The following LDLRAD4 variants were observed in gnomAD, a reference collection of about 807,000 sequenced individuals.
LDLRAD4 encodes the protein low-density lipoprotein receptor class A domain-containing protein 4.
In LDLRAD4, 5 loss-of-function variants were observed where a neutral mutation model predicts 17.0. The ratio of observed to expected loss-of-function variants is 0.29; its 90% CI spans 0.15 to 0.62. LDLRAD4 has a LOEUF of 0.62. Among genes scored for constraint, LDLRAD4 ranks in the 20% least tolerant of loss-of-function variants. The pLI is 0.84. For synonymous variants in LDLRAD4, 168 were observed against 171.8 expected (o/e 0.98, Z 0.17); for missense variants, 340 against 424.7 (o/e 0.80, Z 1.75).
intron 3 of LDLRAD4, among the ~76,000 whole-genome samples, chr18:13,592,118 T>C (rs1328167728): frequency 1.3e-5 from 2 of 152,212 alleles, no homozygotes; most frequent in African/African-American, 4.8e-5. Flanking sequence ...TTGTTCCCAA[T>C]ACAGAATTGA....
intron 1 of LDLRAD4, among the ~76,000 whole-genome samples, chr18:13,222,648 T>C (rs1306660439): frequency 6.6e-6 from 1 of 152,204 alleles, no homozygotes; most frequent in East Asian, 1.9e-4. Flanking sequence ...TAGAATTCTG[T>C]GCCTCGGTTC....
rs78561478 is a variant in LDLRAD4, at chr18:13,590,451, C to T, written c.182-30666C>T. Among the ~76,000 whole-genome samples the T allele has an allele frequency of 1.4e-3, 217 of 152,292 alleles. 5 individuals carry two copies. In the East Asian group the frequency reaches 0.023, roughly 16 times the overall value. Reference sequence around the variant, plus strand: ...AAATGGCCCCAAATCAGAAACATGGCGCATGTGAGCATGCCACTTCTTGTG... The same window carrying T: ...AAATGGCCCCAAATCAGAAACATGGTGCATGTGAGCATGCCACTTCTTGTG... On this transcript the variant is annotated intron_variant, in intron 3 of 5. Coordinates refer to ENST00000359446, the Ensembl canonical transcript of LDLRAD4.
At chr18:13,232,010 G>T (rs974231592) in intron 1 of LDLRAD4, among the ~76,000 whole-genome samples, 1 of 152,222 alleles carries the variant, frequency 6.6e-6, no homozygotes, top group Non-Finnish European at 1.5e-5. Context: ...CCACCTAGTC[G>T]ATGTCATTTT....
chr18:13,245,681 T>A (rs1482005624), intron 1 of LDLRAD4, among the ~76,000 whole-genome samples: 1 of 152,188 alleles, frequency 6.6e-6, no homozygotes, highest in Admixed American at 6.6e-5. Context: ...GACAGCATGA[T>A]CATTTCTGCT....
intron 3 of LDLRAD4, among the ~76,000 whole-genome samples, chr18:13,472,921 T>G (rs567199042): frequency 7.5e-4 from 114 of 152,354 alleles, no homozygotes; most frequent in African/African-American, 2.6e-3. Context: ...ATGTCTGTCT[T>G]TTGCAAACGT....
chr18:13,275,405 C>T (rs1352072974), upstream of LDLRAD4, among the ~76,000 whole-genome samples: 2 of 152,166 alleles, frequency 1.3e-5, no homozygotes, highest in Non-Finnish European at 2.9e-5. Flanking sequence ...TGGGGTAGAA[C>T]ATGAAGCCAA....
At chr18:13,582,245 C>A (rs2094871428) in intron 3 of LDLRAD4, among the ~76,000 whole-genome samples, 1 of 152,216 alleles carries the variant, frequency 6.6e-6, no homozygotes, top group Non-Finnish European at 1.5e-5. Flanking sequence ...GTTTTCTTTG[C>A]CTTTGAATGG....
Position 13,412,144 on chromosome 18 carries a change from G to A in LDLRAD4, c.40+24382G>A, listed in dbSNP as rs548247537. 3.0e-4 allele frequency among the ~76,000 whole-genome samples: 45 copies of A among 152,312 alleles called. 1 individual carries two copies. Among genetic ancestry groups the A allele is most frequent in the Middle Eastern group, 3.4e-3 (1 of 294 alleles). On this transcript the variant is annotated intron_variant, in intron 2 of 5. Transcript: ENST00000359446. The stretch of plus-strand genomic sequence containing the variant: ...AGGGATGAGCCATCACGCCTGGCCT[G>A]CACTGAGTTCTGAAGTTAGTATTTG...
At chr18:13,417,950 G>A (rs1479296426) in intron 2 of LDLRAD4, among the ~76,000 whole-genome samples, 1 of 152,108 alleles carries the variant, frequency 6.6e-6, no homozygotes, top group Non-Finnish European at 1.5e-5. Context: ...GGTTTCTATT[G>A]GTAGACACCA....
chr18:13,532,836 G>T (rs1428917416), intron 3 of LDLRAD4, among the ~76,000 whole-genome samples: 2 of 152,324 alleles, frequency 1.3e-5, no homozygotes, highest in African/African-American at 4.8e-5. Flanking sequence ...GTGATGGCAT[G>T]CCTGGCCCTG....
chr18:13,362,208 G>A (rs1238272244), intron 1 of LDLRAD4: 2 of 152,226 alleles, frequency 1.3e-5, no homozygotes, highest in African/African-American at 4.8e-5. Context: ...GTACGAGTTT[G>A]TGTAGGACCG....
intron 2 of LDLRAD4, among the ~76,000 whole-genome samples, chr18:13,407,074 C>T (rs2087835083): frequency 1.3e-5 from 2 of 152,236 alleles, no homozygotes; most frequent in South Asian, 2.1e-4. Flanking sequence ...AAGTGCGTGG[C>T]GGTATGCATT....
rs560316152 is a variant in LDLRAD4 at position 13,238,920 on chromosome 18, C to T, written c.-467+19932C>T. On this transcript the variant is annotated intron_variant, in intron 1 of 5. Transcript: ENST00000399848. The stretch of plus-strand genomic sequence containing the variant: ...GCTGCTTGTAAGGCCAGGCGGGTGG[C>T]TCATGTCTGCAATCCCAGCACTTGG... 5.3e-5 allele frequency among the ~76,000 whole-genome samples: 8 copies of T among 152,196 alleles called. No homozygotes were observed. In the East Asian group the frequency reaches 1.3e-3, roughly 26 times the overall value.
chr18:13,588,901 T>C (rs932676283), intron 3 of LDLRAD4, among the ~76,000 whole-genome samples: 11 of 151,820 alleles, frequency 7.2e-5, no homozygotes, highest in African/African-American at 2.7e-4. Flanking sequence ...CACTCTGCCA[T>C]CTTTTTCCTT....
chr18:13,557,857 G>T (rs144406211), intron 3 of LDLRAD4, among the ~76,000 whole-genome samples: 84 of 152,258 alleles, frequency 5.5e-4, no homozygotes, highest in African/African-American at 1.9e-3. Flanking sequence ...GAAGAACCTC[G>T]ATACCAGACA....
At chr18:13,475,007 G>A (rs946749031) in intron 3 of LDLRAD4, among the ~76,000 whole-genome samples, 2 of 152,154 alleles carry the variant, frequency 1.3e-5, no homozygotes, top group Non-Finnish European at 2.9e-5. Flanking sequence ...GGGCCTGAGG[G>A]TGCTTGCCCT....
chr18:13,457,641 C>A (rs991415500), intron 3 of LDLRAD4, among the ~76,000 whole-genome samples: 9 of 152,200 alleles, frequency 5.9e-5, no homozygotes, highest in Admixed American at 2.0e-4. Flanking sequence ...TGTAACAGGG[C>A]TGTGGGGTAC....
intron 1 of LDLRAD4, among the ~76,000 whole-genome samples, chr18:13,289,965 G>T (rs887311046): frequency 7.2e-5 from 11 of 152,352 alleles, no homozygotes; most frequent in Non-Finnish European, 1.3e-4. Context: ...TTCCGGTCAG[G>T]ACAGCAGATT....
At chr18:13,609,215 G>T (rs1353285316) in intron 3 of LDLRAD4, among the ~76,000 whole-genome samples, 13 of 152,226 alleles carry the variant, frequency 8.5e-5, no homozygotes, top group Admixed American at 7.8e-4. Context: ...GAAGGGAAAA[G>T]AAATATTGGC....
Sources: allele counts gnomAD v4.1 joint callset (sites outside exome capture counted in the v4.1 genomes callset), GRCh38; gene constraint gnomAD v4.1.1; transcripts MANE v1.5; gene names NCBI Gene and HGNC (gene_info 2026-07-23, HGNC 2026-07-21).